ZNF804A: variants seen among roughly 807,000 people sequenced by gnomAD.
ZNF804A encodes the protein zinc finger protein 804A.
In ZNF804A, 2 loss-of-function variants were observed where a neutral mutation model predicts 16.5. That is an observed-to-expected ratio of 0.12 (90% CI 0.05 to 0.38). The LOEUF is 0.38. Among genes scored for constraint, ZNF804A ranks in the 10% least tolerant of loss-of-function variants. The probability of loss-of-function intolerance (pLI) is 0.99; values close to 1 mark genes in which losing one functional copy is unlikely to be tolerated. For missense variants in ZNF804A, 1,473 were observed against 1,390.7 expected (o/e 1.06, Z -0.94); for synonymous variants, 534 against 489.6 (o/e 1.09, Z -1.20).
At chr2:184,774,367 A>G (rs56946695) in intron 1 of ZNF804A, among the ~76,000 whole-genome samples, 279 of 152,026 alleles carry the variant, frequency 1.8e-3, no homozygotes, top group African/African-American at 6.5e-3. Context: ...AGAACATATA[A>G]TGTTACAATA....
chr2:184,736,551 A>G (rs1023701625), intron 1 of ZNF804A, among the ~76,000 whole-genome samples: 4 of 152,084 alleles, frequency 2.6e-5, no homozygotes, highest in Non-Finnish European at 5.9e-5. Flanking sequence ...ACATGGACAC[A>G]GGCAGGGTAG....
At chr2:184,914,733 G>A (rs959477017) in intron 2 of ZNF804A, among the ~76,000 whole-genome samples, 4 of 151,694 alleles carry the variant, frequency 2.6e-5, no homozygotes, top group Non-Finnish European at 4.4e-5. Flanking sequence ...AAGATAAAAA[G>A]AATAAATGAT....
chr2:184,842,860 A>T (rs759958082), intron 1 of ZNF804A, among the ~76,000 whole-genome samples: 3 of 152,124 alleles, frequency 2.0e-5, no homozygotes, highest in Non-Finnish European at 4.4e-5. Flanking sequence ...ACAAACTGTA[A>T]ATATAGTTTC....
At chr2:184,662,088 A>G (rs1439774922) in intron 1 of ZNF804A, among the ~76,000 whole-genome samples, 1 of 152,218 alleles carries the variant, frequency 6.6e-6, no homozygotes, top group Non-Finnish European at 1.5e-5. Flanking sequence ...AAGTGTTTTA[A>G]TGACTACGTT....
At position 184,841,992 on chromosome 2, in the gene ZNF804A, T is replaced by C. The variant is rs540615711; in HGVS notation, c.112-24377T>C. On this transcript the variant is annotated intron_variant, in intron 1 of 3. Transcript: ENST00000302277. ...CTAATAATATTTGTCTGAGGGTTAATATTGTCAAAGCTGAGATAATTTGAA... is the reference window on the plus strand; with the variant it reads ...CTAATAATATTTGTCTGAGGGTTAACATTGTCAAAGCTGAGATAATTTGAA... Among the ~76,000 whole-genome samples the C allele has an allele frequency of 6.6e-5, 10 of 152,304 alleles. No individual in the cohort carries two copies. The East Asian group carries it at 1.9e-3, about 29-fold the overall frequency.
intron 1 of ZNF804A, among the ~76,000 whole-genome samples, chr2:184,640,713 T>A (rs1343350365): frequency 6.6e-6 from 1 of 152,182 alleles, no homozygotes; most frequent in African/African-American, 2.4e-5. Flanking sequence ...ATTCATTATA[T>A]TAGAATAAAA....
intron 1 of ZNF804A, among the ~76,000 whole-genome samples, chr2:184,636,304 T>C (rs1424405485): frequency 7.8e-6 from 1 of 127,446 alleles, no homozygotes. Context: ...TCTTGTTTTC[T>C]TTTGTGTGTG....
chr2:184,708,648 A>G (rs1251104398), intron 1 of ZNF804A, among the ~76,000 whole-genome samples: 2 of 152,192 alleles, frequency 1.3e-5, no homozygotes, highest in Non-Finnish European at 2.9e-5. Flanking sequence ...ATTGCCATAT[A>G]CAAATATTAA....
At chr2:184,818,795 A>G (rs1695024261) in intron 1 of ZNF804A, among the ~76,000 whole-genome samples, 2 of 152,038 alleles carry the variant, frequency 1.3e-5, no homozygotes, top group South Asian at 4.1e-4. Flanking sequence ...ACACATGGAA[A>G]AAAATAAAAA....
chr2:184,692,767 C>G (rs765542611), intron 1 of ZNF804A, among the ~76,000 whole-genome samples: 6 of 152,084 alleles, frequency 3.9e-5, no homozygotes, highest in Non-Finnish European at 8.8e-5. Flanking sequence ...TAAAGATTTA[C>G]CAATATCATC....
At chr2:184,921,786 T>C (rs1392811781) in intron 2 of ZNF804A, among the ~76,000 whole-genome samples, 1 of 152,072 alleles carries the variant, frequency 6.6e-6, no homozygotes, top group East Asian at 1.9e-4. Flanking sequence ...AGCTACACTT[T>C]CCAGGTTCTG....
At chr2:184,845,854 C>A (rs977826418) in intron 1 of ZNF804A, among the ~76,000 whole-genome samples, 1 of 152,072 alleles carries the variant, frequency 6.6e-6, no homozygotes, top group Non-Finnish European at 1.5e-5. Context: ...GGGCCACGGT[C>A]AGCCTATAGC....
At chr2:184,879,362 T>G (rs1230749453) in intron 2 of ZNF804A, among the ~76,000 whole-genome samples, 2 of 152,056 alleles carry the variant, frequency 1.3e-5, no homozygotes, top group African/African-American at 4.8e-5. Flanking sequence ...GAGAACATAG[T>G]GAAGTTTTCA....
rs111729047 is a variant in ZNF804A, at chr2:184,788,944, T to C, written c.112-77425T>C. 9.4e-3 allele frequency among the ~76,000 whole-genome samples: 1,426 copies of C among 152,152 alleles called. 12 individuals carry two copies. Among genetic ancestry groups the C allele is most frequent in the Non-Finnish European group, 0.015 (1,023 of 67,914 alleles). ...TGGGAGAAATACTTTCATCTTTTCC[T>C]CATTCAGCATGATATTGGCTGTGGG... On this transcript the variant is annotated intron_variant, in intron 1 of 3. Coordinates refer to ENST00000302277, the MANE Select transcript of ZNF804A (RefSeq NM_194250.2).
At chr2:184,613,583 TAAAA>T (rs888585916) in intron 1 of ZNF804A, among the ~76,000 whole-genome samples, 1 of 152,024 alleles carries the variant, frequency 6.6e-6, no homozygotes, top group Non-Finnish European at 1.5e-5. Flanking sequence ...TAAAAATTAA[TAAAA>T]AGAAAGAGAT....
chr2:184,738,039 T>A (rs1272278230), intron 1 of ZNF804A, among the ~76,000 whole-genome samples: 2 of 110,020 alleles, frequency 1.8e-5, no homozygotes, highest in Non-Finnish European at 4.1e-5. Context: ...GGCAAGAGAA[T>A]CACTTGAACC....
At chr2:184,842,932 A>T (rs1695459184) in intron 1 of ZNF804A, among the ~76,000 whole-genome samples, 2 of 152,162 alleles carry the variant, frequency 1.3e-5, no homozygotes, top group South Asian at 4.1e-4. Context: ...TTGCTTTATG[A>T]AAAGTTACTG....
intron 1 of ZNF804A, among the ~76,000 whole-genome samples, chr2:184,706,159 C>G (rs1316909422): frequency 2.0e-5 from 3 of 152,122 alleles, no homozygotes; most frequent in African/African-American, 7.2e-5. Flanking sequence ...ACCATTCAGC[C>G]AAACCAGTGG....
intron 1 of ZNF804A, among the ~76,000 whole-genome samples, chr2:184,599,319 C>T (rs1318000257): frequency 6.6e-6 from 1 of 152,180 alleles, no homozygotes; most frequent in Non-Finnish European, 1.5e-5. Context: ...AAGATTACCA[C>T]AGTCTCTCCT....
Sources: allele counts gnomAD v4.1 joint callset (sites outside exome capture counted in the v4.1 genomes callset), GRCh38; gene constraint gnomAD v4.1.1; transcripts MANE v1.5; gene names NCBI Gene and HGNC (gene_info 2026-07-23, HGNC 2026-07-21).